POLR3G: variants seen among roughly 807,000 people sequenced by gnomAD.
The protein encoded by POLR3G is DNA-directed RNA polymerase III subunit RPC7.
In POLR3G, 28 loss-of-function variants were observed where a neutral mutation model predicts 30.1. The observed-to-expected ratio is 0.93, with a 90% CI of 0.69 to 1.27. The LOEUF is 1.27. Among genes scored for constraint, POLR3G ranks in the 50% most tolerant of loss-of-function variants. POLR3G has a pLI of 0.00. For synonymous variants in POLR3G, 79 were observed against 82.5 expected (o/e 0.96, Z 0.23); for missense variants, 254 against 264.6 (o/e 0.96, Z 0.28).
chr5:90,490,593 A>C (rs1265108097), intron 3 of POLR3G: 3 of 348,004 alleles, frequency 8.6e-6, no homozygotes, highest in Admixed American at 3.6e-5. Flanking sequence ...TTTTTTGTAG[A>C]GACGGGAGTC....
chr5:90,478,155 C>T (rs925593055), intron 1 of POLR3G, among the ~76,000 whole-genome samples: 1 of 152,170 alleles, frequency 6.6e-6, no homozygotes, highest in Non-Finnish European at 1.5e-5. Context: ...CAGAGATTAG[C>T]TCAGCATCTG....
intron 5 of POLR3G, among the ~76,000 whole-genome samples, chr5:90,501,171 C>T (rs1223275858): frequency 6.6e-6 from 1 of 152,156 alleles, no homozygotes; most frequent in Non-Finnish European, 1.5e-5. Flanking sequence ...ACTGTCATCT[C>T]TTTCACCATT....
At chr5:90,476,869 A>G (rs1003160573) in intron 1 of POLR3G, among the ~76,000 whole-genome samples, 17 of 152,134 alleles carry the variant, frequency 1.1e-4, no homozygotes, top group Non-Finnish European at 2.9e-5. Context: ...AATAGCATCC[A>G]TGTTTCCTGT....
At chr5:90,480,398 G>A (rs1751066115) in intron 1 of POLR3G, among the ~76,000 whole-genome samples, 1 of 152,172 alleles carries the variant, frequency 6.6e-6, no homozygotes, top group East Asian at 1.9e-4. Flanking sequence ...GGGTTTGTAG[G>A]CTGGAATGCC....
At chr5:90,493,233 T>G (rs534360077) in intron 3 of POLR3G, among the ~76,000 whole-genome samples, 49 of 152,198 alleles carry the variant, frequency 3.2e-4, no homozygotes, top group African/African-American at 1.2e-3. Flanking sequence ...CTTAGTAAAA[T>G]CTCCAATAAC....
chr5:90,494,229 T>C lies in POLR3G; in HGVS notation c.248-1448T>C, dbSNP rs567650916. On this transcript the variant is annotated intron_variant, in intron 3 of 7. Coordinates refer to ENST00000651687, the MANE Select transcript of POLR3G (RefSeq NM_006467.3). The stretch of plus-strand genomic sequence containing the variant: ...AGGTTCATTCATGGCTTAGTACATA[T>C]GAGTGCTTCATTCCTTTTTATGGCT... Among the ~76,000 whole-genome samples, 67 of 152,330 alleles carry C rather than the reference T, an allele frequency of 4.4e-4. No homozygotes were observed. In the South Asian group the frequency reaches 0.013, roughly 30 times the overall value.
At chr5:90,509,520 C>T (rs1052740849) in intron 7 of POLR3G, among the ~76,000 whole-genome samples, 7 of 152,164 alleles carry the variant, frequency 4.6e-5, no homozygotes, top group Middle Eastern at 3.4e-3. Flanking sequence ...ACAGTAGTAC[C>T]GGATGCTATA....
At chr5:90,480,812 G>T (rs1365341212) in intron 1 of POLR3G, among the ~76,000 whole-genome samples, 2 of 152,178 alleles carry the variant, frequency 1.3e-5, no homozygotes, top group African/African-American at 4.8e-5. Flanking sequence ...TAGGCCTAGT[G>T]GGCTCTTGCA....
chr5:90,507,786 TCAC>T (rs1752560138), intron 7 of POLR3G, among the ~76,000 whole-genome samples: 1 of 152,230 alleles, frequency 6.6e-6, no homozygotes, highest in Non-Finnish European at 1.5e-5. Context: ...TTGTGGTAGA[TCAC>T]ATTTGTCTCC....
intron 3 of POLR3G, among the ~76,000 whole-genome samples, chr5:90,491,848 TTGAC>T (rs1159459437): frequency 1.3e-5 from 2 of 152,286 alleles, no homozygotes; most frequent in East Asian, 3.9e-4. Flanking sequence ...AATGATGAAA[TTGAC>T]TGTGCAATTC....
intron 7 of POLR3G, among the ~76,000 whole-genome samples, chr5:90,508,922 G>A (rs528436631): frequency 3.3e-5 from 5 of 152,266 alleles, no homozygotes; most frequent in South Asian, 2.1e-4. Flanking sequence ...TTAGCCAGGC[G>A]TGGTGGCGGG....
intron 1 of POLR3G, among the ~76,000 whole-genome samples, chr5:90,479,738 A>G (rs527534891): frequency 5.3e-4 from 81 of 152,242 alleles, no homozygotes; most frequent in Middle Eastern, 3.4e-3. Flanking sequence ...AGGGAGGCAG[A>G]GGGAGTAAGT....
chr5:90,509,600 A>T lies in POLR3G; in HGVS notation c.586-2453A>T, dbSNP rs79699982. On this transcript the variant is annotated intron_variant, in intron 7 of 7. Coordinates refer to ENST00000651687, the MANE Select transcript of POLR3G (RefSeq NM_006467.3). Reference sequence around the variant, plus strand: ...GCATATCAAAGATGATATTTCAAAGAAGACAATTTAGGTGATCTGAAGAGC... The same window carrying T: ...GCATATCAAAGATGATATTTCAAAGTAGACAATTTAGGTGATCTGAAGAGC... Among the ~76,000 whole-genome samples, 405 of 152,350 alleles carry T rather than the reference A, an allele frequency of 2.7e-3. 13 individuals are homozygous for T. In the East Asian group the frequency reaches 0.063, roughly 24 times the overall value.
chr5:90,474,035 G>C (rs1301734369), upstream of POLR3G: 2 of 1,592,176 alleles, frequency 1.3e-6, no homozygotes, highest in Non-Finnish European at 1.7e-6. Flanking sequence ...CGGAGTGGTC[G>C]AAGTGCACGT....
intron 7 of POLR3G, among the ~76,000 whole-genome samples, chr5:90,508,110 C>G (rs1488112417): frequency 6.6e-6 from 1 of 152,158 alleles, no homozygotes; most frequent in African/African-American, 2.4e-5. Context: ...AAACACTAGC[C>G]CCATTTTGCT....
At position 90,511,884 on chromosome 5, in the gene POLR3G, T is replaced by C. The variant is rs1316317491; in HGVS notation, c.586-169T>C. Among the ~76,000 whole-genome samples, 3 of 152,190 alleles carry C rather than the reference T, an allele frequency of 2.0e-5. No individual in the cohort carries two copies. In the East Asian group the frequency reaches 5.8e-4, roughly 29 times the overall value. On this transcript the variant is annotated intron_variant, in intron 7 of 7. Transcript: ENST00000651687. ...CATGTTCTCTTAGCTAGTTAGTGCC[T>C]GACAAGAGTGGAAGGTGGTGGTCTT...
At chr5:90,507,671 G>A (rs1423332412) in intron 7 of POLR3G, among the ~76,000 whole-genome samples, 3 of 151,654 alleles carry the variant, frequency 2.0e-5, no homozygotes, top group Non-Finnish European at 4.4e-5. Context: ...ATGTTGGTAG[G>A]GTATGTCTTC....
chr5:90,490,747 C>T (rs528087290), intron 3 of POLR3G: 61 of 260,990 alleles, frequency 2.3e-4, no homozygotes, highest in Middle Eastern at 1.2e-3. Context: ...AAAACACACG[C>T]ATGTTAAAAA....
At position 90,485,657 on chromosome 5, in the gene POLR3G, A is replaced by G. The variant is rs577677698; in HGVS notation, c.90A>G (p.Val30=). Residue 30 remains valine, a synonymous_variant, in exon 2 of 8, where the codon GTA becomes GTG. Transcript: ENST00000651687. The part of the protein sequence containing the change: ...GFSKGEKLPD[V]VLKPPPLFPD... ...GCAAAGGTGAAAAGTTACCTGATGT[A>G]GTGTTGAAACCACCCCCACTATTTC... 1.2e-6 allele frequency: 2 copies of G among 1,613,820 alleles called. No homozygotes were observed. Among genetic ancestry groups the G allele is most frequent in the Admixed American group, 3.3e-5 (2 of 59,996 alleles).
Sources: allele counts gnomAD v4.1 joint callset (sites outside exome capture counted in the v4.1 genomes callset), GRCh38; gene constraint gnomAD v4.1.1; transcripts MANE v1.5; gene names NCBI Gene and HGNC (gene_info 2026-07-23, HGNC 2026-07-21).